The following MOV10L1 variants were observed in gnomAD, a reference collection of about 807,000 sequenced individuals.
MOV10L1 encodes RNA helicase Mov10l1.
Under a neutral mutation model 143.8 loss-of-function variants are expected in MOV10L1, and 110 were observed. That is an observed-to-expected ratio of 0.76 (90% CI 0.66 to 0.90). The LOEUF is 0.90. Among genes scored for constraint, MOV10L1 ranks in the 40% least tolerant of loss-of-function variants. The pLI, the probability that MOV10L1 is intolerant of heterozygous loss-of-function variation, is 0.00. For missense variants in MOV10L1, 1,406 were observed against 1,526.8 expected, an observed-to-expected ratio of 0.92 and a Z score of 1.32; for synonymous variants, 593 against 581.1, an observed-to-expected ratio of 1.02 and a Z score of -0.29.
At chr22:50,114,020 A>G (rs900115460) in intron 6 of MOV10L1, among the ~76,000 whole-genome samples, 9 of 144,588 alleles carry the variant, frequency 6.2e-5, no homozygotes, top group African/African-American at 2.3e-4. Context: ...CCGGGTTCAC[A>G]CCATTCTCCT....
intron 2 of MOV10L1, chr22:50,094,929 A>G (rs765739742): frequency 6.6e-6 from 1 of 152,240 alleles, no homozygotes. Context: ...TATTAAAACT[A>G]AATGCAACTT....
chr22:50,122,229 C>A (rs1166711612), intron 10 of MOV10L1, among the ~76,000 whole-genome samples: 1 of 152,194 alleles, frequency 6.6e-6, no homozygotes, highest in Non-Finnish European at 1.5e-5. Flanking sequence ...TAATTTCTTA[C>A]AGCAGTGTTT....
At chr22:50,139,083 C>T (rs1602296917) in intron 15 of MOV10L1, among the ~76,000 whole-genome samples, 1 of 151,746 alleles carries the variant, frequency 6.6e-6, no homozygotes, top group Admixed American at 6.6e-5. Context: ...CAACAAAAGA[C>T]GTAAATCAAT....
At chr22:50,157,668 A>G (rs1223235836) in intron 22 of MOV10L1, among the ~76,000 whole-genome samples, 2 of 150,356 alleles carry the variant, frequency 1.3e-5, no homozygotes, top group African/African-American at 4.9e-5. Context: ...CTGTTGATCT[A>G]TATGTCTGTC....
Position 50,149,674 on chromosome 22 carries a change from G to T in MOV10L1, c.2687G>T (p.Cys896Phe). 1 of 1,614,060 alleles carries T rather than the reference G, an allele frequency of 6.2e-7. No homozygotes were observed. Among genetic ancestry groups the T allele is most frequent in the South Asian group, 1.1e-5 (1 of 91,068 alleles). The change falls in exon 20 of 27, where the codon TGC (cysteine) becomes TTC (phenylalanine). Residue 896 changes from cysteine (C) to phenylalanine (F), a missense_variant. Cys to Phe is a radical substitution (Grantham distance 205, BLOSUM62 -2). Coordinates refer to ENST00000262794, the MANE Select transcript of MOV10L1 (RefSeq NM_018995.3). ...DEAGQASEPE[C>F]LIPLGLMSDI... is the part of the protein sequence containing the mutation. The stretch of plus-strand genomic sequence containing the variant: ...GCTGGGCAGGCAAGTGAGCCGGAAT[G>T]CCTCATTCCTCTGGGGCTGATGTCG...
At chr22:50,123,196 C>CAA (rs71198219) in intron 10 of MOV10L1, among the ~76,000 whole-genome samples, 11,146 of 101,096 alleles carry the variant, frequency 0.11, 632 homozygotes, top group Non-Finnish European at 0.14. Flanking sequence ...ACTCATGTCT[C>CAA]AAAAAAAAAA....
intron 13 of MOV10L1, among the ~76,000 whole-genome samples, chr22:50,133,336 G>A (rs113509737): frequency 4.9e-4 from 75 of 151,870 alleles, no homozygotes; most frequent in African/African-American, 1.6e-3. Flanking sequence ...GCTTACACCT[G>A]TAATCCCAGC....
At chr22:50,105,992 A>G (rs1384003214) in intron 3 of MOV10L1, among the ~76,000 whole-genome samples, 1 of 152,144 alleles carries the variant, frequency 6.6e-6, no homozygotes, top group Non-Finnish European at 1.5e-5. Flanking sequence ...GCAGGGTCTG[A>G]TTTGTACTGT....
At chr22:50,142,566 A>G (rs2063019705) in intron 16 of MOV10L1, among the ~76,000 whole-genome samples, 1 of 151,862 alleles carries the variant, frequency 6.6e-6, no homozygotes, top group Non-Finnish European at 1.5e-5. Context: ...CAGGGCTCAC[A>G]CCTGTCATCC....
At chr22:50,096,558 C>A (rs1179763558) in intron 2 of MOV10L1, 1 of 152,264 alleles carries the variant, frequency 6.6e-6, no homozygotes, top group African/African-American at 2.4e-5. Context: ...CAGATGTTTT[C>A]CACAGCAGCT....
chr22:50,145,935 G>GT, intron 19 of MOV10L1, 125 bp downstream of exon 19: 1 of 1,421,158 alleles, frequency 7.0e-7, no homozygotes, highest in Non-Finnish European at 9.6e-7. Context: ...GCAGGGCTGT[G>GT]GGCGAGAAAG....
Position 50,145,749 on chromosome 22 carries a change from C to T in MOV10L1, c.2566C>T (p.Arg856Cys), listed in dbSNP as rs776426358. Residue 856 changes from arginine (R) to cysteine (C), a missense_variant, in exon 19 of 27, where the codon CGC (arginine) becomes TGC (cysteine). Arg to Cys is a radical substitution (Grantham distance 180). Coordinates refer to ENST00000262794, the MANE Select transcript of MOV10L1 (RefSeq NM_018995.3). ...CGGAGAAGACATCTGGAAAGCCTCACGCTTCCGGATAATCATCACCACATG... is the reference window on the plus strand; with the variant it reads ...CGGAGAAGACATCTGGAAAGCCTCATGCTTCCGGATAATCATCACCACATG... Reference protein sequence around the residue: ...RDGEDIWKASRFRIIITTCSS... With the variant: ...RDGEDIWKASCFRIIITTCSS... 1.2e-5 allele frequency: 19 copies of T among 1,614,026 alleles called. No homozygotes were observed. The East Asian group carries it at 1.6e-4, about 13-fold the overall frequency.
intron 4 of MOV10L1, 177 bp from the exon 5 acceptor site, chr22:50,108,480 T>C: frequency 1.3e-6 from 1 of 763,238 alleles, no homozygotes; most frequent in Non-Finnish European, 2.2e-6. Context: ...GCAACAGTGC[T>C]AAAATGTTCT....
At chr22:50,105,883 A>C (rs1222886151) in intron 3 of MOV10L1, among the ~76,000 whole-genome samples, 2 of 152,172 alleles carry the variant, frequency 1.3e-5, no homozygotes, top group Non-Finnish European at 2.9e-5. Flanking sequence ...AAGTTCAGGA[A>C]CTTGTACGTG....
chr22:50,127,339 G>A (rs572681138), intron 12 of MOV10L1, among the ~76,000 whole-genome samples: 35 of 152,286 alleles, frequency 2.3e-4, no homozygotes, highest in African/African-American at 6.5e-4. Flanking sequence ...ATGACCTTCC[G>A]TATCCTTTTT....
At chr22:50,090,434 A>G (rs764241935) in intron 1 of MOV10L1, 26 of 1,598,440 alleles carry the variant, frequency 1.6e-5, no homozygotes, top group Non-Finnish European at 2.1e-5. Context: ...TCCCGCCCTC[A>G]CTTTGTGTGT....
intron 3 of MOV10L1, among the ~76,000 whole-genome samples, chr22:50,104,908 T>A (rs1196105835): frequency 1.6e-4 from 23 of 140,224 alleles, no homozygotes; most frequent in South Asian, 4.7e-4. Context: ...TTTTTTTTTT[T>A]AAAGACAGAG....
chr22:50,109,904 G>A (rs1327898889), intron 5 of MOV10L1, among the ~76,000 whole-genome samples: 2 of 151,370 alleles, frequency 1.3e-5, no homozygotes, highest in African/African-American at 2.4e-5. Context: ...TAATCCCAAC[G>A]CTTTGGGATG....
intron 16 of MOV10L1, among the ~76,000 whole-genome samples, 193 bp from the exon 17 acceptor site, chr22:50,142,850 A>C (rs947027379): frequency 3.3e-5 from 5 of 151,964 alleles, no homozygotes; most frequent in Admixed American, 3.3e-4. Flanking sequence ...AAGAAAAAAA[A>C]AATGCAAACA....
Sources: gnomAD v4.1 joint callset for allele counts (sites outside exome capture counted in the v4.1 genomes callset) on GRCh38, gnomAD v4.1.1 for gene constraint, MANE v1.5 for transcripts, NCBI Gene and HGNC (gene_info 2026-07-23, HGNC 2026-07-21) for gene names.